The following STAG1 variants were observed in gnomAD, a reference collection of about 807,000 sequenced individuals.
The protein encoded by STAG1 is STAG1 cohesin complex component, also known as cohesin subunit SA-1.
Under a neutral mutation model 170.9 loss-of-function variants are expected in STAG1, and 26 were observed. That is an observed-to-expected ratio of 0.15 (90% CI 0.11 to 0.21). STAG1 has a LOEUF of 0.21. Among genes scored for constraint, STAG1 ranks in the 10% least tolerant of loss-of-function variants. The pLI is 1.00. For synonymous variants in STAG1, 514 were observed against 497.7 expected (o/e 1.03, Z -0.44); for missense variants, 964 against 1,509.5 (o/e 0.64, Z 5.99).
intron 4 of STAG1, among the ~76,000 whole-genome samples, chr3:136,588,721 G>A (rs768111223): frequency 6.6e-5 from 10 of 151,794 alleles, no homozygotes; most frequent in Non-Finnish European, 1.5e-4. Context: ...TCCGCCTCCC[G>A]GGTTCAAGTG....
intron 1 of STAG1, among the ~76,000 whole-genome samples, chr3:136,631,496 G>A (rs1468497763): frequency 1.3e-5 from 2 of 152,136 alleles, no homozygotes. Context: ...AAAAACAGCA[G>A]GAGTCCAAAA....
intron 1 of STAG1, among the ~76,000 whole-genome samples, chr3:136,686,203 C>T (rs1942515236): frequency 6.6e-6 from 1 of 152,222 alleles, no homozygotes; most frequent in African/African-American, 2.4e-5. Flanking sequence ...GGTGCCTCAA[C>T]TCCAAATTAG....
At chr3:136,638,806 G>A (rs1261489947) in intron 1 of STAG1, among the ~76,000 whole-genome samples, 1 of 152,102 alleles carries the variant, frequency 6.6e-6, no homozygotes, top group African/African-American at 2.4e-5. Flanking sequence ...GGAAGCTGAG[G>A]TGGGAGAATT....
In STAG1 at chr3:136,466,072, T is replaced by C. The variant is rs1167450668; in HGVS notation, c.1206-1084A>G. ...ATGGGGAAAAACTGAGCAGAAAAGC[T>C]GAAAATTCTAAAAATCAGATCGCCT... On this transcript the variant is annotated intron_variant, in intron 12 of 33. Transcript: ENST00000383202. 3.3e-5 allele frequency among the ~76,000 whole-genome samples: 5 copies of C among 152,110 alleles called. No individual in the cohort carries two copies. In the East Asian group the frequency reaches 9.6e-4, roughly 29 times the overall value.
In STAG1 at chr3:136,487,676, C is replaced by T. The variant is rs1415839601; in HGVS notation, c.903-10264G>A. On this transcript the variant is annotated intron_variant, in intron 9 of 33. Coordinates refer to ENST00000383202, the MANE Select transcript of STAG1 (RefSeq NM_005862.3). ...TACATAACATATACATGTGAATAATCACAGACTAGACAGCAAAATTACAAC... is the reference window on the plus strand; with the variant it reads ...TACATAACATATACATGTGAATAATTACAGACTAGACAGCAAAATTACAAC... Among the ~76,000 whole-genome samples, 5 of 152,266 alleles carry T rather than the reference C, an allele frequency of 3.3e-5. No individual in the cohort carries two copies. The South Asian group carries it at 1.0e-3, about 32-fold the overall frequency.
chr3:136,715,142 A>G (rs1304837662), intron 1 of STAG1, among the ~76,000 whole-genome samples: 1 of 144,136 alleles, frequency 6.9e-6, no homozygotes, highest in African/African-American at 2.6e-5. Flanking sequence ...CTTGACCCAG[A>G]TAAAATTTGT....
At chr3:136,485,742 T>C (rs990014872) in intron 9 of STAG1, among the ~76,000 whole-genome samples, 1 of 152,240 alleles carries the variant, frequency 6.6e-6, no homozygotes, top group Non-Finnish European at 1.5e-5. Context: ...TAACGTCATA[T>C]GTATTGTTTT....
chr3:136,500,459 C>T (rs941271365), intron 8 of STAG1, among the ~76,000 whole-genome samples, 163 bp from the exon 9 acceptor site: 13 of 152,192 alleles, frequency 8.5e-5, no homozygotes, highest in Admixed American at 4.6e-4. Flanking sequence ...TTCCATTATT[C>T]CTTTACATTT....
intron 1 of STAG1, among the ~76,000 whole-genome samples, chr3:136,705,383 A>ATGAT (rs1943200192): frequency 1.2e-4 from 1 of 8,492 alleles, no homozygotes; most frequent in Non-Finnish European, 3.0e-4. Context: ...CATCAAACAC[A>ATGAT]CACACACACA....
intron 12 of STAG1, among the ~76,000 whole-genome samples, chr3:136,467,086 C>G (rs978390048): frequency 1.3e-5 from 2 of 152,198 alleles, no homozygotes; most frequent in African/African-American, 4.8e-5. Flanking sequence ...TAGAAAGAAA[C>G]CGCATCAACT....
chr3:136,521,983 TTTCTAAGAA>T (rs1341504303), intron 6 of STAG1, among the ~76,000 whole-genome samples: 4 of 152,196 alleles, frequency 2.6e-5, no homozygotes, highest in African/African-American at 9.6e-5. Context: ...CTGATTAAGT[TTTCTAAGAA>T]AACAATCTGA....
intron 7 of STAG1, among the ~76,000 whole-genome samples, chr3:136,506,476 CAAAAAAAA>C (rs11414654): frequency 4.3e-4 from 37 of 85,346 alleles, no homozygotes; most frequent in African/African-American, 1.4e-3. Context: ...ACTAAAAATA[CAAAAAAAA>C]AAAAAAAAAA....
chr3:136,340,462 CAAAAG>C lies in STAG1; in HGVS notation c.3672+24_3672+28del. ...ACACCAATGCCCCCACATATTTTAA[CAAAAG>C]AAAAATATAGTGAATTTCTCTACCA... On this transcript the variant is annotated intron_variant, in intron 32 of 33. Coordinates refer to ENST00000383202, the MANE Select transcript of STAG1 (RefSeq NM_005862.3). The C allele has an allele frequency of 2.7e-6, 4 of 1,475,730 alleles. No individual in the cohort carries two copies. In the African/African-American group the frequency reaches 4.1e-5, roughly 15 times the overall value. The allele number at this position is 1,475,730 out of a possible 1,614,324, so 91.4% of individuals were successfully genotyped here. A position where few individuals can be genotyped will look rare whatever the true frequency, so the allele number is the denominator to read the frequency against.
chr3:136,679,503 C>T (rs1278172902), intron 1 of STAG1, among the ~76,000 whole-genome samples: 2 of 151,746 alleles, frequency 1.3e-5, no homozygotes, highest in Non-Finnish European at 2.9e-5. Flanking sequence ...CCCAGGCGGG[C>T]GGATCATGAG....
At chr3:136,650,700 A>G (rs565992854) in intron 1 of STAG1, among the ~76,000 whole-genome samples, 17 of 152,336 alleles carry the variant, frequency 1.1e-4, no homozygotes, top group African/African-American at 4.1e-4. Context: ...CAGAGCGATT[A>G]CAGCCTAGCT....
At chr3:136,376,047 A>AAAATAAAATT (rs1937599754) in intron 23 of STAG1, among the ~76,000 whole-genome samples, 1 of 149,624 alleles carries the variant, frequency 6.7e-6, no homozygotes, top group South Asian at 2.1e-4. Flanking sequence ...AAAATAAAAT[A>AAAATAAAATT]AAACAAAATA....
At chr3:136,536,944 T>C (rs1034568653) in intron 6 of STAG1, among the ~76,000 whole-genome samples, 1 of 152,200 alleles carries the variant, frequency 6.6e-6, no homozygotes, top group Non-Finnish European at 1.5e-5. Context: ...AGCATAATTA[T>C]TAGCTATTAT....
chr3:136,363,535 G>T, intron 25 of STAG1, 68 bp from the exon 26 acceptor site: 1 of 527,684 alleles, frequency 1.9e-6, no homozygotes, highest in Admixed American at 3.7e-5. Flanking sequence ...GAATAGGTTG[G>T]TGTCACCTCC....
chr3:136,538,721 C>T (rs1317399710), intron 6 of STAG1, among the ~76,000 whole-genome samples: 1 of 152,062 alleles, frequency 6.6e-6, no homozygotes, highest in Admixed American at 6.6e-5. Flanking sequence ...TGCCTGACCA[C>T]CACATAGTTA....
Sources: allele counts gnomAD v4.1 joint callset (sites outside exome capture counted in the v4.1 genomes callset), GRCh38; gene constraint gnomAD v4.1.1; transcripts MANE v1.5; gene names NCBI Gene and HGNC (gene_info 2026-07-23, HGNC 2026-07-21).